NFIB: variants seen among roughly 807,000 people sequenced by gnomAD.
NFIB encodes nuclear factor 1 B-type.
A neutral mutation model predicts 61.5 loss-of-function variants in NFIB; 11 were observed. That is an observed-to-expected ratio of 0.18 (90% CI 0.11 to 0.30). The LOEUF (loss-of-function observed/expected upper bound fraction) is 0.30. NFIB is among the 10% of genes least tolerant of loss of function. The pLI is 1.00. For missense variants in NFIB, 471 were observed against 608.9 expected, an observed-to-expected ratio of 0.77 and a Z score of 2.38; for synonymous variants, 260 against 216.5, an observed-to-expected ratio of 1.20 and a Z score of -1.76.
chr9:14,177,201 A>G (rs113603809), intron 3 of NFIB, among the ~76,000 whole-genome samples: 2,535 of 152,282 alleles, frequency 0.017, 69 homozygotes, highest in African/African-American at 0.056. Flanking sequence ...TGGAGATTTC[A>G]TATTTTGGCC....
At chr9:14,467,171 A>T in the NFIB span, among the ~76,000 whole-genome samples, 2 of 152,160 alleles carry the variant, frequency 1.3e-5, no homozygotes, top group Non-Finnish European at 2.9e-5. Flanking sequence ...ATCCAAATAG[A>T]GTTCATCATT....
chr9:14,442,630 T>G, the NFIB span, among the ~76,000 whole-genome samples: 2 of 152,158 alleles, frequency 1.3e-5, no homozygotes, highest in Non-Finnish European at 2.9e-5. Context: ...GGTCCCTGGC[T>G]TGGCATCACT....
intron 2 of NFIB, among the ~76,000 whole-genome samples, chr9:14,296,538 C>A (rs1184089242): frequency 6.6e-6 from 1 of 152,214 alleles, no homozygotes; most frequent in Non-Finnish European, 1.5e-5. Flanking sequence ...ATAATTAGGT[C>A]ATGAGATTGG....
intron 4 of NFIB, among the ~76,000 whole-genome samples, chr9:14,150,917 C>A (rs1222453918): frequency 6.6e-6 from 1 of 152,068 alleles, no homozygotes; most frequent in Non-Finnish European, 1.5e-5. Context: ...ATGTCTTTAT[C>A]AAAATATCTC....
intron 1 of NFIB, among the ~76,000 whole-genome samples, chr9:14,397,934 C>G (rs2061703863): frequency 6.6e-6 from 1 of 152,114 alleles, no homozygotes. Flanking sequence ...CTCATGTCGC[C>G]TGGGTGGTTT....
intron 1 of NFIB, among the ~76,000 whole-genome samples, chr9:14,331,562 G>C (rs1222261793): frequency 6.6e-6 from 1 of 152,166 alleles, no homozygotes; most frequent in Non-Finnish European, 1.5e-5. Flanking sequence ...TATCAAGCTG[G>C]GTAAACCAGT....
Position 14,346,300 on chromosome 9 carries a change from C to CA in NFIB, c.109-38781_109-38780insT, listed in dbSNP as rs1554715692. Among the ~76,000 whole-genome samples the CA allele has an allele frequency of 1.4e-5, 2 of 144,906 alleles. 1 individual carries two copies. The highest frequency in any genetic ancestry group is 3.1e-5 in the Non-Finnish European group (2 of 64,044). ...CACGAGGTAACCGACACCCCCCCCC[C>CA]GTAACCTGAGCTAAAGGTAAAGGTG... On this transcript the variant is annotated intron_variant, in intron 1 of 8. Transcript: ENST00000380934.
chr9:14,091,103 A>G (rs1037858860), intron 10 of NFIB, among the ~76,000 whole-genome samples: 2 of 152,036 alleles, frequency 1.3e-5, no homozygotes, highest in Admixed American at 6.6e-5. Context: ...TATATTTGTC[A>G]ATACTGTTTA....
chr9:14,437,268 G>A, the NFIB span, among the ~76,000 whole-genome samples: 46 of 152,326 alleles, frequency 3.0e-4, no homozygotes, highest in African/African-American at 9.9e-4. Context: ...ATTCAAAGCA[G>A]GAGAATCTTA....
rs369140105 is a variant in NFIB, at chr9:14,377,713, G to C, written c.108+20811C>G. ...TTAAGAGGAAGGAAAAGGGTGGATT[G>C]ACCTGGAACTCTATTGACCTAATAG... On this transcript the variant is annotated intron_variant, in intron 1 of 8. Transcript: ENST00000380934. 5.1e-4 allele frequency among the ~76,000 whole-genome samples: 78 copies of C among 152,298 alleles called. 1 individual carries two copies. The highest frequency in any genetic ancestry group is 1.6e-3 in the African/African-American group (67 of 41,560).
At chr9:14,519,650 A>C in the NFIB span, among the ~76,000 whole-genome samples, 1 of 152,144 alleles carries the variant, frequency 6.6e-6, no homozygotes, top group Non-Finnish European at 1.5e-5. Flanking sequence ...CTTAGAGTTA[A>C]TTACTATTAG....
At chr9:14,434,593 G>C in the NFIB span, among the ~76,000 whole-genome samples, 30 of 152,168 alleles carry the variant, frequency 2.0e-4, no homozygotes, top group Non-Finnish European at 3.7e-4. Flanking sequence ...CTTGAAGCTA[G>C]TTTTCTCCCC....
chr9:14,504,633 G>A, the NFIB span, among the ~76,000 whole-genome samples: 3 of 152,112 alleles, frequency 2.0e-5, no homozygotes, highest in African/African-American at 7.2e-5. Context: ...TTCTTAGCTT[G>A]CTCACTGTTG....
At chr9:14,480,719 G>C in the NFIB span, among the ~76,000 whole-genome samples, 1 of 152,146 alleles carries the variant, frequency 6.6e-6, no homozygotes, top group East Asian at 1.9e-4. Flanking sequence ...ACATGAATGA[G>C]ACAAACAAGG....
At chr9:14,505,912 T>A in the NFIB span, among the ~76,000 whole-genome samples, 1 of 152,192 alleles carries the variant, frequency 6.6e-6, no homozygotes, top group Non-Finnish European at 1.5e-5. Context: ...CTCTACAAAG[T>A]AAATGATGTA....
chr9:14,301,516 A>G (rs1384438159), intron 2 of NFIB, among the ~76,000 whole-genome samples: 1 of 152,166 alleles, frequency 6.6e-6, no homozygotes, highest in Non-Finnish European at 1.5e-5. Flanking sequence ...GGCACTATAT[A>G]TTTTTAAATA....
At chr9:14,161,522 T>C (rs2044203437) in intron 3 of NFIB, among the ~76,000 whole-genome samples, 1 of 151,582 alleles carries the variant, frequency 6.6e-6, no homozygotes, top group Admixed American at 6.6e-5. Flanking sequence ...TATATTTATT[T>C]ATAAAATCAA....
At chr9:14,221,318 A>G (rs926764307) in intron 2 of NFIB, among the ~76,000 whole-genome samples, 1 of 152,242 alleles carries the variant, frequency 6.6e-6, no homozygotes, top group Non-Finnish European at 1.5e-5. Flanking sequence ...ACTATGCTAG[A>G]CATGCATTAT....
At chr9:14,391,851 C>G (rs2061626447) in intron 1 of NFIB, among the ~76,000 whole-genome samples, 1 of 152,168 alleles carries the variant, frequency 6.6e-6, no homozygotes, top group South Asian at 2.1e-4. Flanking sequence ...CTTCCTTTCA[C>G]TCCTGCTCTA....
Sources: gnomAD v4.1 joint callset for allele counts (sites outside exome capture counted in the v4.1 genomes callset) on GRCh38, gnomAD v4.1.1 for gene constraint, MANE v1.5 for transcripts, NCBI Gene and HGNC (gene_info 2026-07-23, HGNC 2026-07-21) for gene names.